The following TENM3 variants were observed in gnomAD, a reference collection of about 807,000 sequenced individuals.
The protein encoded by TENM3 is teneurin-3.
Under a neutral mutation model 255.1 loss-of-function variants are expected in TENM3, and 63 were observed. The observed-to-expected ratio is 0.25, with a 90% confidence interval of 0.20 to 0.30. The LOEUF is 0.30. TENM3 is among the 10% of genes least tolerant of loss of function. TENM3 has a pLI of 1.00. For synonymous variants in TENM3, 1,306 were observed against 1,322.3 expected, an observed-to-expected ratio of 0.99 and a Z score of 0.27; for missense variants, 2,929 against 3,461.1, an observed-to-expected ratio of 0.85 and a Z score of 3.86.
chr4:182,362,918 A>G (rs1766128638), intron 3 of TENM3, among the ~76,000 whole-genome samples: 1 of 152,156 alleles, frequency 6.6e-6, no homozygotes, highest in Non-Finnish European at 1.5e-5. Context: ...TCACAACTTT[A>G]TATACATAAT....
chr4:182,754,691 G>A lies in TENM3; in HGVS notation c.4324G>A (p.Ala1442Thr). The A allele has an allele frequency of 6.2e-7, 1 of 1,614,036 alleles. No individual in the cohort carries two copies. Among genetic ancestry groups the A allele is most frequent in the Non-Finnish European group, 8.5e-7 (1 of 1,179,906 alleles). The change falls in exon 22 of 28, where the codon GCC becomes ACC. Residue 1442 changes from alanine to threonine, a missense_variant. By Grantham distance (58) the Ala-to-Thr change is moderately conservative. This residue lies in a region of TENM3 where 1,608 missense variants were observed against 1,884.4 expected (regional missense o/e 0.85). Coordinates refer to ENST00000511685, the MANE Select transcript of TENM3 (RefSeq NM_001080477.4). The surrounding 1 kb of genome is among the most constrained non-coding windows in gnomAD (Gnocchi z 5.1). ...VTTDGEISLV[A>T]GIPSECDCKN... ...AACAGATGGAGAAATCTCCTTAGTG[G>A]CCGGAATACCTTCAGAGTGTGACTG...
the TENM3 span, among the ~76,000 whole-genome samples, chr4:182,044,810 A>G: frequency 6.6e-6 from 1 of 152,196 alleles, no homozygotes; most frequent in Non-Finnish European, 1.5e-5. Flanking sequence ...CCAAAAGGGA[A>G]GGGGAAAGGG....
the TENM3 span, among the ~76,000 whole-genome samples, chr4:182,105,428 G>A: frequency 1.3e-5 from 2 of 152,128 alleles, no homozygotes; most frequent in Non-Finnish European, 2.9e-5. Context: ...TGACACAAAT[G>A]ACAAGTTTGA....
At chr4:181,604,588 C>CCCGT in the TENM3 span, among the ~76,000 whole-genome samples, 1 of 152,158 alleles carries the variant, frequency 6.6e-6, no homozygotes, top group Non-Finnish European at 1.5e-5. Context: ...AAAAAGTGTA[C>CCCGT]CCGTTCTGGA....
At chr4:181,757,948 C>T in the TENM3 span, among the ~76,000 whole-genome samples, 2 of 152,130 alleles carry the variant, frequency 1.3e-5, no homozygotes, top group African/African-American at 4.8e-5. Flanking sequence ...TTGCAAGCTA[C>T]TATTATTATT....
At chr4:181,675,665 C>T in the TENM3 span, among the ~76,000 whole-genome samples, 13 of 152,226 alleles carry the variant, frequency 8.5e-5, no homozygotes, top group South Asian at 1.5e-3. Flanking sequence ...TTTTCTCTTG[C>T]GTGTGGCCAT....
intron 3 of TENM3, among the ~76,000 whole-genome samples, chr4:182,594,683 G>GGAGTGTGT (rs1289744680): frequency 1.4e-5 from 2 of 138,166 alleles, no homozygotes; most frequent in African/African-American, 2.8e-5. Context: ...TTTTTGTTTT[G>GGAGTGTGT]GTGTGTGTGT....
At chr4:181,905,978 CT>C in the TENM3 span, 5 of 512,648 alleles carry the variant, frequency 9.8e-6, no homozygotes, top group Admixed American at 4.8e-5. Context: ...GTGGTACATA[CT>C]TTTTTACTCA....
At chr4:181,657,969 G>A in the TENM3 span, among the ~76,000 whole-genome samples, 1 of 152,104 alleles carries the variant, frequency 6.6e-6, no homozygotes, top group Non-Finnish European at 1.5e-5. Context: ...GGGAGAAACA[G>A]ACACTGCGGA....
At chr4:182,557,304 C>T (rs1338514722) in intron 3 of TENM3, among the ~76,000 whole-genome samples, 1 of 152,190 alleles carries the variant, frequency 6.6e-6, no homozygotes, top group African/African-American at 2.4e-5. Context: ...TCCTGTCCAA[C>T]TCAGATCACT....
chr4:182,463,497 A>C (rs929525131), intron 3 of TENM3, among the ~76,000 whole-genome samples: 18 of 151,608 alleles, frequency 1.2e-4, no homozygotes, highest in African/African-American at 4.4e-4. Context: ...TTGAGATGGA[A>C]TCTCACTCTG....
At chr4:182,448,122 ACCGT>A (rs1773081702) in intron 3 of TENM3, among the ~76,000 whole-genome samples, 2 of 152,150 alleles carry the variant, frequency 1.3e-5, no homozygotes, top group African/African-American at 4.8e-5. Context: ...AGCCCCTGGT[ACCGT>A]CTTCTCTCCC....
the TENM3 span, among the ~76,000 whole-genome samples, chr4:181,539,028 A>G: frequency 1.3e-5 from 2 of 152,198 alleles, no homozygotes; most frequent in Admixed American, 6.5e-5. Context: ...ATATTGTCCC[A>G]TATATAGGCT....
chr4:181,797,389 C>T, the TENM3 span, among the ~76,000 whole-genome samples: 17 of 152,248 alleles, frequency 1.1e-4, no homozygotes, highest in South Asian at 3.5e-3. Context: ...ACCATTGTCT[C>T]CTTGCTCTCT....
chr4:182,639,758 C>T (rs968994909), intron 5 of TENM3, among the ~76,000 whole-genome samples: 2 of 152,252 alleles, frequency 1.3e-5, no homozygotes, highest in South Asian at 2.1e-4. Context: ...CAGATGTTAG[C>T]CATCTCTGAC....
chr4:182,178,147 T>C (rs970811583), intron 1 of TENM3, among the ~76,000 whole-genome samples: 1 of 152,148 alleles, frequency 6.6e-6, no homozygotes, highest in African/African-American at 2.4e-5. Context: ...ATATCAGCTA[T>C]TAAATACGTG....
chr4:182,209,199 C>T (rs1754806389), intron 1 of TENM3, among the ~76,000 whole-genome samples: 1 of 151,954 alleles, frequency 6.6e-6, no homozygotes, highest in South Asian at 2.1e-4. Flanking sequence ...AACTCCTGAC[C>T]TCAAGTGATC....
At chr4:182,783,875 CGTA>C (rs1561247754) in intron 24 of TENM3, among the ~76,000 whole-genome samples, 1 of 151,820 alleles carries the variant, frequency 6.6e-6, no homozygotes, top group African/African-American at 2.4e-5. Context: ...GCATTCTTCA[CGTA>C]GTTCTCGAGC....
At chr4:182,277,326 T>C (rs1030936858) in intron 1 of TENM3, among the ~76,000 whole-genome samples, 1 of 151,682 alleles carries the variant, frequency 6.6e-6, no homozygotes, top group African/African-American at 2.4e-5. Context: ...TAGGCAAGTA[T>C]GTTCACAGAG....
Sources: gnomAD v4.1 joint callset for allele counts (sites outside exome capture counted in the v4.1 genomes callset) on GRCh38, gnomAD v4.1.1 for gene constraint, gnomAD v4.1.1 regional missense constraint, Gnocchi (gnomAD v3.1) non-coding constraint, MANE v1.5 for transcripts, NCBI Gene and HGNC (gene_info 2026-07-23, HGNC 2026-07-21) for gene names.